Variants in ROBO2 observed in about 807,000 individuals in gnomAD.
ROBO2 encodes the protein roundabout homolog 2.
ROBO2 carries 53 observed loss-of-function variants against 160.8 expected under a neutral mutation model. That is an observed-to-expected ratio of 0.33 (90% CI 0.26 to 0.41). The LOEUF is 0.41. Among genes scored for constraint, ROBO2 ranks in the 10% least tolerant of loss-of-function variants. The pLI, the probability that ROBO2 is intolerant of heterozygous loss-of-function variation, is 1.00. For missense variants in ROBO2, 1,577 were observed against 1,722.4 expected, an observed-to-expected ratio of 0.92 and a Z score of 1.49; for synonymous variants, 664 against 611.7, an observed-to-expected ratio of 1.09 and a Z score of -1.26.
intron 2 of ROBO2, among the ~76,000 whole-genome samples, chr3:76,092,417 C>G (rs2069272746): frequency 6.6e-6 from 1 of 152,098 alleles, no homozygotes; most frequent in African/African-American, 2.4e-5. Flanking sequence ...ATCAAGGAGT[C>G]TGGTATGTCA....
intron 16 of ROBO2, among the ~76,000 whole-genome samples, chr3:77,587,253 GT>G (rs1007155405): frequency 9.9e-5 from 15 of 152,060 alleles, no homozygotes; most frequent in African/African-American, 1.4e-4. Context: ...TCAAGGCAGT[GT>G]TACGGATCAG....
At chr3:76,264,848 C>T (rs1346840950) in intron 2 of ROBO2, among the ~76,000 whole-genome samples, 1 of 152,058 alleles carries the variant, frequency 6.6e-6, no homozygotes, top group African/African-American at 2.4e-5. Context: ...ACTCTGATCT[C>T]TCCATTTAAA....
intron 2 of ROBO2, among the ~76,000 whole-genome samples, chr3:76,058,947 G>C (rs918280584): frequency 1.3e-5 from 2 of 151,286 alleles, no homozygotes; most frequent in African/African-American, 4.9e-5. Flanking sequence ...ATGGTTTCCA[G>C]CTTCACCCAT....
intron 2 of ROBO2, among the ~76,000 whole-genome samples, chr3:76,067,702 A>G (rs148717777): frequency 2.6e-5 from 4 of 152,312 alleles, no homozygotes; most frequent in African/African-American, 7.2e-5. Context: ...ACTTTCACCA[A>G]TGCTCTAGTT....
At chr3:77,537,274 T>A (rs1042983936) in intron 6 of ROBO2, among the ~76,000 whole-genome samples, 4 of 136,398 alleles carry the variant, frequency 2.9e-5, no homozygotes, top group African/African-American at 1.3e-4. Context: ...TAATTGAGAG[T>A]TTTTTTTGTG....
intron 2 of ROBO2, among the ~76,000 whole-genome samples, chr3:75,950,300 C>T (rs1399888381): frequency 1.3e-5 from 2 of 151,998 alleles, no homozygotes; most frequent in African/African-American, 4.8e-5. Flanking sequence ...CCTCACATTC[C>T]CAAATCTCAA....
At chr3:76,747,656 T>C (rs1040836744) in intron 2 of ROBO2, among the ~76,000 whole-genome samples, 1 of 151,996 alleles carries the variant, frequency 6.6e-6, no homozygotes, top group East Asian at 1.9e-4. Flanking sequence ...TTGGTTTTTT[T>C]AATGATTGAT....
At chr3:76,052,627 T>C (rs1486688041) in intron 2 of ROBO2, among the ~76,000 whole-genome samples, 1 of 152,034 alleles carries the variant, frequency 6.6e-6, no homozygotes, top group African/African-American at 2.4e-5. Flanking sequence ...TGCTGCTTTA[T>C]AAAACAAAAT....
At chr3:76,332,369 A>G (rs1281903187) in intron 2 of ROBO2, among the ~76,000 whole-genome samples, 1 of 152,228 alleles carries the variant, frequency 6.6e-6, no homozygotes, top group Admixed American at 6.5e-5. Context: ...ATGTATTTTC[A>G]GCAAAGTAAC....
At chr3:76,535,209 G>T (rs958915597) in intron 2 of ROBO2, among the ~76,000 whole-genome samples, 2 of 152,092 alleles carry the variant, frequency 1.3e-5, no homozygotes, top group African/African-American at 2.4e-5. Context: ...TGGCACAAAA[G>T]GATGGATGGG....
chr3:77,333,729 G>C (rs1196733774), intron 2 of ROBO2, among the ~76,000 whole-genome samples: 1 of 152,050 alleles, frequency 6.6e-6, no homozygotes, highest in Non-Finnish European at 1.5e-5. Flanking sequence ...TACTTAATTG[G>C]TATAACTAAT....
At chr3:75,997,095 A>G (rs888998663) in intron 2 of ROBO2, among the ~76,000 whole-genome samples, 1 of 152,232 alleles carries the variant, frequency 6.6e-6, no homozygotes, top group African/African-American at 2.4e-5. Flanking sequence ...CAATTGTTCA[A>G]AGATTCAATG....
chr3:77,615,932 T>C (rs2153701879), intron 21 of ROBO2, among the ~76,000 whole-genome samples: 1 of 152,352 alleles, frequency 6.6e-6, no homozygotes, highest in Non-Finnish European at 1.5e-5. Context: ...GAGATGTACA[T>C]TTCTGATATT....
At chr3:77,570,842 A>G (rs973249717) in intron 13 of ROBO2, among the ~76,000 whole-genome samples, 4 of 151,980 alleles carry the variant, frequency 2.6e-5, no homozygotes, top group African/African-American at 7.2e-5. Context: ...CCAGCTGAGG[A>G]AGTTTCCCAG....
At chr3:77,186,006 A>G (rs1444778564) in intron 2 of ROBO2, among the ~76,000 whole-genome samples, 1 of 151,868 alleles carries the variant, frequency 6.6e-6, no homozygotes, top group Non-Finnish European at 1.5e-5. Flanking sequence ...AGAATGACAC[A>G]ATGGACTTTG....
At chr3:77,569,202 C>T (rs2093574477) in intron 13 of ROBO2, among the ~76,000 whole-genome samples, 1 of 151,968 alleles carries the variant, frequency 6.6e-6, no homozygotes, top group Admixed American at 6.6e-5. Flanking sequence ...GGTAACTCTC[C>T]ATTTAATATT....
intron 2 of ROBO2, among the ~76,000 whole-genome samples, chr3:76,219,698 G>A (rs1347134668): frequency 6.6e-6 from 1 of 152,178 alleles, no homozygotes; most frequent in East Asian, 1.9e-4. Flanking sequence ...AGAGGATGTG[G>A]AGAAATAGGA....
intron 2 of ROBO2, among the ~76,000 whole-genome samples, chr3:76,129,364 T>A (rs1333131898): frequency 6.6e-6 from 1 of 152,202 alleles, no homozygotes; most frequent in Non-Finnish European, 1.5e-5. Flanking sequence ...GTATTCATAC[T>A]CAAAATAAAT....
At chr3:76,909,548 C>G (rs1303485885) in intron 2 of ROBO2, among the ~76,000 whole-genome samples, 2 of 151,990 alleles carry the variant, frequency 1.3e-5, no homozygotes, top group Non-Finnish European at 2.9e-5. Context: ...CCTCAAAAAA[C>G]TGAAACAAAA....
Sources: allele counts gnomAD v4.1 joint callset (sites outside exome capture counted in the v4.1 genomes callset), GRCh38; gene constraint gnomAD v4.1.1; transcripts MANE v1.5; gene names NCBI Gene and HGNC (gene_info 2026-07-23, HGNC 2026-07-21).